Variants in CEACAM1 observed in about 807,000 individuals in gnomAD.
The protein encoded by CEACAM1 is CEA cell adhesion molecule 1, also known as cell adhesion molecule CEACAM1.
CEACAM1 carries 31 observed loss-of-function variants against 49.1 expected under a neutral mutation model. The ratio of observed to expected loss-of-function variants is 0.63; its 90% confidence interval spans 0.47 to 0.85. The LOEUF is 0.85. CEACAM1 is among the 40% of genes least tolerant of loss of function. The pLI is 0.00. For synonymous variants in CEACAM1, 244 were observed against 247.8 expected, an observed-to-expected ratio of 0.98 and a Z score of 0.14; for missense variants, 570 against 645.3, an observed-to-expected ratio of 0.88 and a Z score of 1.26.
chr19:42,519,570 CTTTTTT>C, intron 4 of CEACAM1: 2 of 168,242 alleles, frequency 1.2e-5, no homozygotes, highest in African/African-American at 2.6e-5. Context: ...TTCCCACTGA[CTTTTTT>C]TTTTTTTTTT....
rs369675741 is a variant in CEACAM1 at position 42,510,268 on chromosome 19, A to G, written c.1461+621T>C. Reference sequence around the variant, plus strand: ...AGCTGGCTAATTTTTTTGTATTTTTAGTAGAGCTGGGGTTTCACCATGTTA... The same window carrying G: ...AGCTGGCTAATTTTTTTGTATTTTTGGTAGAGCTGGGGTTTCACCATGTTA... On this transcript the variant is annotated intron_variant, in intron 8 of 8. Transcript: ENST00000161559. Among the ~76,000 whole-genome samples the G allele has an allele frequency of 3.1e-4, 47 of 152,042 alleles. 2 individuals carry two copies. Among genetic ancestry groups the G allele is most frequent in the Admixed American group, 1.7e-3 (26 of 15,278 alleles).
intron 5 of CEACAM1, among the ~76,000 whole-genome samples, chr19:42,513,414 T>C (rs999797473): frequency 2.0e-5 from 3 of 152,082 alleles, no homozygotes; most frequent in African/African-American, 7.2e-5. Flanking sequence ...CTGGCCAAGA[T>C]GGTGAAACCC....
chr19:42,525,990 C>G (rs915551413), intron 2 of CEACAM1: 2 of 152,148 alleles, frequency 1.3e-5, no homozygotes, highest in African/African-American at 2.4e-5. Flanking sequence ...GAGTCTCGCT[C>G]TGTCACCCAG....
chr19:42,518,374 A>ACAG (rs1441274755), intron 5 of CEACAM1: 1 of 156,164 alleles, frequency 6.4e-6, no homozygotes, highest in Non-Finnish European at 1.4e-5. Context: ...TGATCACACC[A>ACAG]CAGCACTCCA....
chr19:42,511,296 C>T (rs956370025), intron 7 of CEACAM1: 11 of 571,960 alleles, frequency 1.9e-5, no homozygotes, highest in South Asian at 4.4e-5. Flanking sequence ...AGGCAGGAGG[C>T]GGAAGGAGTA....
Position 42,508,992 on chromosome 19 carries a change from T to A in CEACAM1, c.*117A>T. 1 of 1,207,000 alleles carries A rather than the reference T, an allele frequency of 8.3e-7. No homozygotes were observed. The highest frequency in any genetic ancestry group is 1.2e-6 in the Non-Finnish European group (1 of 843,448). 74.8% of individuals were successfully genotyped at this position (1,207,000 alleles called of 1,614,324 possible). On this transcript the variant is annotated 3_prime_UTR_variant, in exon 9 of 9. Coordinates refer to ENST00000161559, the MANE Select transcript of CEACAM1 (RefSeq NM_001712.5). Reference sequence around the variant, plus strand: ...GGAGATGCCTATTAGGAAGGAAGAGTAGGAGAAAGTTGTTTCTGTCCCCAC... The same window carrying A: ...GGAGATGCCTATTAGGAAGGAAGAGAAGGAGAAAGTTGTTTCTGTCCCCAC...
At chr19:42,528,118 G>C (rs2041940483) in intron 1 of CEACAM1, among the ~76,000 whole-genome samples, 193 bp downstream of exon 1, 1 of 152,198 alleles carries the variant, frequency 6.6e-6, no homozygotes. Flanking sequence ...AAAAATGGGA[G>C]ATTGTTTATT....
chr19:42,517,314 A>T (rs1429439833), intron 5 of CEACAM1, among the ~76,000 whole-genome samples: 1 of 152,266 alleles, frequency 6.6e-6, no homozygotes, highest in African/African-American at 2.4e-5. Context: ...CGAAAGAAGA[A>T]GTAGAGAAAT....
At chr19:42,521,574 CT>C in intron 3 of CEACAM1, 53 bp from the exon 4 acceptor site, 1 of 1,586,262 alleles carries the variant, frequency 6.3e-7, no homozygotes, top group Non-Finnish European at 8.6e-7. Context: ...GAAGGGGAAG[CT>C]GCTGGTCTGG....
chr19:42,512,474 C>G lies in CEACAM1; in HGVS notation c.1252G>C (p.Ala418Pro). 1 of 1,613,932 alleles carries G rather than the reference C, an allele frequency of 6.2e-7. No individual in the cohort carries two copies. The highest frequency in any genetic ancestry group is 1.1e-5 in the South Asian group (1 of 91,076). Residue 418 changes from alanine to proline, a missense_variant, in exon 6 of 9, where the codon GCT (alanine) becomes CCT (proline). By Grantham distance (27) the Ala-to-Pro change is conservative. Transcript: ENST00000161559. The stretch of plus-strand genomic sequence containing the variant: ...GAGAGGCCATTTTCTTGTGGTAGAG[C>G]ATTATCTGTCATGGAGAGAAAAGAG... ...DPIMLNVNYNALPQENGLSPG... is the reference protein window; with the variant it reads ...DPIMLNVNYNPLPQENGLSPG...
chr19:42,521,547 G>A (rs1451869009), intron 3 of CEACAM1, 26 bp from the exon 4 acceptor site: 1 of 1,605,986 alleles, frequency 6.2e-7, no homozygotes, highest in African/African-American at 1.3e-5. Flanking sequence ...TAAAGCCACA[G>A]GTGATGTCAT....
intron 5 of CEACAM1, among the ~76,000 whole-genome samples, chr19:42,514,320 G>A (rs189998048): frequency 1.3e-4 from 20 of 151,914 alleles, no homozygotes; most frequent in Admixed American, 7.9e-4. Context: ...TAGTAGAGAC[G>A]GGGTTTCTCC....
rs1348363121 is a variant in CEACAM1, at chr19:42,507,905, C to T, written c.*1204G>A. 1 of 152,242 alleles carries T rather than the reference C, an allele frequency of 6.6e-6. No individual in the cohort carries two copies. The highest frequency in any genetic ancestry group is 1.5e-5 in the Non-Finnish European group (1 of 68,060). 9.4% of individuals were successfully genotyped at this position (152,242 alleles called of 1,614,324 possible). ...AGTGAATGGGGGCAAACAGAAAATG[C>T]ACAGGTGCAAACATGGAATAGAATG... On this transcript the variant is annotated 3_prime_UTR_variant, in exon 9 of 9. Transcript: ENST00000161559.
chr19:42,525,671 A>G (rs1367479745), intron 2 of CEACAM1: 1 of 152,214 alleles, frequency 6.6e-6, no homozygotes, highest in South Asian at 2.1e-4. Flanking sequence ...AACTGAACCA[A>G]CTCTGGTATT....
Position 42,509,014 on chromosome 19 carries a change from C to A in CEACAM1, c.*95G>T. 1 of 1,505,816 alleles carries A rather than the reference C, an allele frequency of 6.6e-7. No individual in the cohort carries two copies. 93.3% of individuals were successfully genotyped at this position (1,505,816 alleles called of 1,614,324 possible). ...GAGTAGGAGAAAGTTGTTTCTGTCC[C>A]CACCCCTCTACCCCTACAGGGGAAA... On this transcript the variant is annotated 3_prime_UTR_variant, in exon 9 of 9. Transcript: ENST00000161559.
chr19:42,507,512 T>C lies in CEACAM1; in HGVS notation c.*1597A>G, dbSNP rs1369147241. On this transcript the variant is annotated 3_prime_UTR_variant, in exon 9 of 9. Transcript: ENST00000161559. ...GCTAATCCTCCTGGAGAAAGCCTCT[T>C]AGGCCTAACATGAGATCAGGTAAGC... is the stretch of plus-strand genomic sequence containing the variant. 1 of 152,176 alleles carries C rather than the reference T, an allele frequency of 6.6e-6. No individual in the cohort carries two copies. The highest frequency in any genetic ancestry group is 1.5e-5 in the Non-Finnish European group (1 of 68,032). 9.4% of individuals were successfully genotyped at this position (152,176 alleles called of 1,614,324 possible).
intron 5 of CEACAM1, chr19:42,514,874 A>G: frequency 2.0e-6 from 1 of 502,048 alleles, no homozygotes; most frequent in Non-Finnish European, 3.5e-6. Flanking sequence ...CCTGATTTCA[A>G]GGCTAATGAT....
intron 2 of CEACAM1, among the ~76,000 whole-genome samples, chr19:42,522,947 A>G (rs887754935): frequency 1.3e-5 from 2 of 152,244 alleles, no homozygotes; most frequent in African/African-American, 4.8e-5. Context: ...CTGAGGGCTC[A>G]GAGACCGTGA....
At chr19:42,520,737 G>A (rs41517950) in intron 4 of CEACAM1, 3,406 of 161,902 alleles carry the variant, frequency 0.021, 53 homozygotes, top group Middle Eastern at 0.087. Context: ...ACACACCTGC[G>A]TCCTACCCCA....
Sources: gnomAD v4.1 joint callset for allele counts (sites outside exome capture counted in the v4.1 genomes callset) on GRCh38, gnomAD v4.1.1 for gene constraint, MANE v1.5 for transcripts, NCBI Gene and HGNC (gene_info 2026-07-23, HGNC 2026-07-21) for gene names.